The following CTTNBP2 variants were observed in gnomAD, a reference collection of about 807,000 sequenced individuals.
CTTNBP2 encodes the protein cortactin binding protein 2.
Under a neutral mutation model 156.9 loss-of-function variants are expected in CTTNBP2, and 108 were observed. The ratio of observed to expected loss-of-function variants is 0.69; its 90% CI spans 0.59 to 0.81. The LOEUF is 0.81. Ranked by LOEUF, CTTNBP2 falls within the 30% of genes least tolerant of loss-of-function variation. The pLI, the probability that CTTNBP2 is intolerant of heterozygous loss-of-function variation, is 0.00. For missense variants in CTTNBP2, 1,924 were observed against 2,035.4 expected (o/e 0.95, Z 1.05); for synonymous variants, 767 against 751.8 (o/e 1.02, Z -0.33).
intron 3 of CTTNBP2, among the ~76,000 whole-genome samples, chr7:117,794,875 A>AGCTTTTT (rs1563015542): frequency 1.6e-5 from 2 of 124,108 alleles, no homozygotes; most frequent in African/African-American, 3.4e-5. Context: ...TTATATGTAT[A>AGCTTTTT]TCTTTTTTTT....
intron 4 of CTTNBP2, among the ~76,000 whole-genome samples, chr7:117,789,467 C>T (rs1447104024): frequency 2.0e-5 from 3 of 152,132 alleles, no homozygotes; most frequent in East Asian, 1.9e-4. Flanking sequence ...TCTTATAGTA[C>T]ATTCTCTATT....
chr7:117,821,053 G>A (rs1173665580), intron 2 of CTTNBP2, among the ~76,000 whole-genome samples: 1 of 152,020 alleles, frequency 6.6e-6, no homozygotes, highest in African/African-American at 2.4e-5. Flanking sequence ...ATAGTATGTA[G>A]GACTATAACT....
intron 2 of CTTNBP2, among the ~76,000 whole-genome samples, chr7:117,836,065 T>A (rs192747913): frequency 9.9e-4 from 150 of 152,266 alleles, no homozygotes; most frequent in Non-Finnish European, 1.7e-3. Context: ...ATAGGATAAT[T>A]GATATCTCCC....
chr7:117,840,602 G>A (rs1345304144), intron 2 of CTTNBP2, among the ~76,000 whole-genome samples: 2 of 152,152 alleles, frequency 1.3e-5, no homozygotes, highest in African/African-American at 2.4e-5. Context: ...TACCACACAA[G>A]TGCCTTATTG....
At chr7:117,809,171 CA>C (rs1800117886) in intron 3 of CTTNBP2, among the ~76,000 whole-genome samples, 1 of 128,106 alleles carries the variant, frequency 7.8e-6, no homozygotes, top group East Asian at 2.9e-4. Context: ...CAGAAACAAA[CA>C]GGATGTAAGT....
intron 3 of CTTNBP2, among the ~76,000 whole-genome samples, chr7:117,798,086 A>G (rs1799420151): frequency 6.6e-6 from 1 of 152,202 alleles, no homozygotes; most frequent in East Asian, 1.9e-4. Flanking sequence ...AGAATCTGCA[A>G]CATAAATGAT....
chr7:117,762,934 GT>G (rs1229423085), intron 9 of CTTNBP2, among the ~76,000 whole-genome samples: 1 of 152,088 alleles, frequency 6.6e-6, no homozygotes, highest in Non-Finnish European at 1.5e-5. Context: ...TGTCCAACTC[GT>G]GCTAAAGCTT....
chr7:117,774,422 T>A (rs528930202), intron 8 of CTTNBP2, among the ~76,000 whole-genome samples: 6 of 152,262 alleles, frequency 3.9e-5, no homozygotes, highest in African/African-American at 1.4e-4. Flanking sequence ...GTCCATGGCC[T>A]GTTAGGAACC....
At chr7:117,873,313 C>G (rs949578089) in intron 1 of CTTNBP2, 22 bp downstream of exon 1, 9 of 1,425,902 alleles carry the variant, frequency 6.3e-6, no homozygotes, top group Non-Finnish European at 6.4e-6. Flanking sequence ...TAGCCCCGCG[C>G]CCGCCCCGGG....
chr7:117,758,990 T>G (rs546055174), intron 10 of CTTNBP2, among the ~76,000 whole-genome samples: 1 of 152,342 alleles, frequency 6.6e-6, no homozygotes, highest in South Asian at 2.1e-4. Context: ...ACAGTTGTAC[T>G]GACTTTGTTT....
chr7:117,763,413 G>A (rs1056919063), intron 9 of CTTNBP2, among the ~76,000 whole-genome samples: 2 of 149,644 alleles, frequency 1.3e-5, no homozygotes, highest in East Asian at 4.1e-4. Flanking sequence ...CCTGTTAGCG[G>A]TAACTTCTAT....
intron 2 of CTTNBP2, among the ~76,000 whole-genome samples, chr7:117,816,525 C>G (rs1412626491): frequency 6.6e-6 from 1 of 152,160 alleles, no homozygotes; most frequent in African/African-American, 2.4e-5. Flanking sequence ...ACTGCCAACC[C>G]TCACTGCCCC....
At chr7:117,737,848 G>A (rs1482544489) in intron 14 of CTTNBP2, among the ~76,000 whole-genome samples, 1 of 152,192 alleles carries the variant, frequency 6.6e-6, no homozygotes, top group East Asian at 1.9e-4. Flanking sequence ...AAAGTGCTGG[G>A]ATTACAGGTG....
chr7:117,849,458 C>T (rs1429818799), intron 2 of CTTNBP2, among the ~76,000 whole-genome samples: 14 of 152,254 alleles, frequency 9.2e-5, no homozygotes, highest in Middle Eastern at 3.4e-3. Context: ...GAACAAAAGC[C>T]TCAGATCATT....
intron 18 of CTTNBP2, 57 bp downstream of exon 18, chr7:117,724,995 T>C: frequency 6.6e-7 from 1 of 1,514,136 alleles, no homozygotes; most frequent in Non-Finnish European, 9.1e-7. Context: ...AAACAGCTTT[T>C]AAAAGGTATT....
Position 117,722,323 on chromosome 7 carries a change from T to C in CTTNBP2, c.4448-1193A>G, listed in dbSNP as rs936451599. Among the ~76,000 whole-genome samples, 5 of 151,954 alleles carry C rather than the reference T, an allele frequency of 3.3e-5. No individual in the cohort carries two copies. The East Asian group carries it at 7.7e-4, about 23-fold the overall frequency. On this transcript the variant is annotated intron_variant, in intron 19 of 22. Transcript: ENST00000160373. ...AATAATCATATATACAGTGTAATTA[T>C]TGGAAAAATTTACCATTATAAAAAT... is the stretch of plus-strand genomic sequence containing the variant.
intron 14 of CTTNBP2, among the ~76,000 whole-genome samples, chr7:117,739,363 G>T (rs897597369): frequency 1.3e-5 from 2 of 152,070 alleles, no homozygotes; most frequent in African/African-American, 2.4e-5. Context: ...TTTTACCTTC[G>T]GCCAAAAAGT....
intron 12 of CTTNBP2, among the ~76,000 whole-genome samples, chr7:117,753,452 T>C (rs1796725436): frequency 1.3e-5 from 2 of 152,148 alleles, no homozygotes. Context: ...GATACATGCA[T>C]ACGTATGTTT....
At chr7:117,775,476 C>T (rs1798043659) in intron 8 of CTTNBP2, among the ~76,000 whole-genome samples, 3 of 151,620 alleles carry the variant, frequency 2.0e-5, no homozygotes, top group Admixed American at 2.0e-4. Context: ...ATCACAATTG[C>T]CCTACACTGA....
Sources: allele counts gnomAD v4.1 joint callset (sites outside exome capture counted in the v4.1 genomes callset), GRCh38; gene constraint gnomAD v4.1.1; transcripts MANE v1.5; gene names NCBI Gene and HGNC (gene_info 2026-07-23, HGNC 2026-07-21).